ABCA12: variants seen among roughly 807,000 people sequenced by gnomAD.
The protein encoded by ABCA12 is ATP binding cassette subfamily A member 12, also known as glucosylceramide transporter ABCA12.
Under a neutral mutation model 293.5 loss-of-function variants are expected in ABCA12, and 156 were observed. The ratio of observed to expected loss-of-function variants is 0.53; its 90% CI spans 0.47 to 0.61. The LOEUF (loss-of-function observed/expected upper bound fraction) is 0.61. Ranked by LOEUF, ABCA12 falls within the 20% of genes least tolerant of loss-of-function variation. ABCA12 has a pLI of 0.00. For missense variants in ABCA12, 2,797 were observed against 3,090.2 expected (o/e 0.91, Z 2.25); for synonymous variants, 1,063 against 1,108.0 (o/e 0.96, Z 0.81).
intron 6 of ABCA12, among the ~76,000 whole-genome samples, chr2:215,046,465 T>A (rs1223598642): frequency 2.0e-5 from 3 of 147,638 alleles, no homozygotes; most frequent in Non-Finnish European, 3.0e-5. Context: ...GGATAGATTT[T>A]TATATATATA....
At chr2:214,975,685 A>T in intron 34 of ABCA12, 100 bp downstream of exon 34, 1 of 1,499,986 alleles carries the variant, frequency 6.7e-7, no homozygotes, top group African/African-American at 1.4e-5. Flanking sequence ...CATGGCTTCT[A>T]AGTACTTTAT....
chr2:214,965,071 C>A (rs1699220369), intron 39 of ABCA12, among the ~76,000 whole-genome samples: 1 of 152,004 alleles, frequency 6.6e-6, no homozygotes, highest in African/African-American at 2.4e-5. Context: ...GAAATAAGAC[C>A]ACATACCTAC....
intron 2 of ABCA12, 72 bp from the exon 3 acceptor site, chr2:215,064,291 C>A: frequency 6.7e-7 from 1 of 1,481,716 alleles, no homozygotes; most frequent in South Asian, 1.1e-5. Flanking sequence ...TGCAGTAACT[C>A]CACTTTGTGA....
intron 45 of ABCA12, among the ~76,000 whole-genome samples, chr2:214,950,469 CATTT>C (rs1387645169): frequency 6.9e-6 from 1 of 144,858 alleles, no homozygotes; most frequent in Non-Finnish European, 1.5e-5. Flanking sequence ...TTCAGATTAA[CATTT>C]ATATTTCTAG....
chr2:214,991,451 T>G (rs1194458911), intron 23 of ABCA12, among the ~76,000 whole-genome samples: 2 of 152,180 alleles, frequency 1.3e-5, no homozygotes, highest in East Asian at 3.9e-4. Context: ...ATTAGTTCAG[T>G]GTAGAGACTG....
At position 215,041,551 on chromosome 2, in the gene ABCA12, CAA is replaced by C. The variant is rs74770979; in HGVS notation, c.872+4284_872+4285del. On this transcript the variant is annotated intron_variant, in intron 7 of 52. Transcript: ENST00000272895. ...TGGGCGACAGAGCGAGACTCCATCT[CAA>C]AAAAAAAAAAAAAAAGGAATACAGT... Among the ~76,000 whole-genome samples, 546 of 86,452 alleles carry C rather than the reference CAA, an allele frequency of 6.3e-3. 7 individuals carry two copies. Among genetic ancestry groups the C allele is most frequent in the African/African-American group, 0.017 (497 of 29,144 alleles). The allele number at this position is 86,452 out of a possible 152,430, so 56.7% of individuals were successfully genotyped here.
At chr2:215,017,555 T>C (rs1455340530) in intron 14 of ABCA12, 1 of 163,302 alleles carries the variant, frequency 6.1e-6, no homozygotes, top group East Asian at 1.7e-4. Flanking sequence ...TTTCCCCCAA[T>C]TAGGTTACTG....
chr2:214,952,252 G>A (rs150229804), intron 44 of ABCA12, among the ~76,000 whole-genome samples: 3,293 of 143,292 alleles, frequency 0.023, 139 homozygotes, highest in African/African-American at 0.081. Context: ...ACGGAGTCTC[G>A]CTCTGTCACG....
At chr2:215,091,851 C>T (rs1702154228) in intron 2 of ABCA12, among the ~76,000 whole-genome samples, 1 of 152,250 alleles carries the variant, frequency 6.6e-6, no homozygotes, top group Admixed American at 6.5e-5. Flanking sequence ...CGTCCTCCCC[C>T]AGGATCTTGC....
At position 215,006,867 on chromosome 2, in the gene ABCA12, C is replaced by CTTTTTTTTTTTTTTTTTTTTTTTT. The variant is rs371764502; in HGVS notation, c.2592+836_2592+859dup. Among the ~76,000 whole-genome samples, 3 of 67,870 alleles carry CTTTTTTTTTTTTTTTTTTTTTTTT rather than the reference C, an allele frequency of 4.4e-5. 1 individual carries two copies. The highest frequency in any genetic ancestry group is 8.5e-5 in the Non-Finnish European group (3 of 35,278). 44.5% of individuals were successfully genotyped at this position (67,870 alleles called of 152,430 possible). ...TTGCATCATCTTCAGAAATTCCTGC[C>CTTTTTTTTTTTTTTTTTTTTTTTT]TTTTTTTTTTTTTTTTTTTTTTTTT... On this transcript the variant is annotated intron_variant, in intron 19 of 52. Transcript: ENST00000272895.
In ABCA12 at chr2:215,049,824, G is replaced by A. The variant is rs747963236; in HGVS notation, c.508-13C>T. 3.1e-6 allele frequency: 5 copies of A among 1,601,336 alleles called. No individual in the cohort carries two copies. Among genetic ancestry groups the A allele is most frequent in the Non-Finnish European group, 4.3e-6 (5 of 1,170,296 alleles). On this transcript the variant is annotated splice_polypyrimidine_tract_variant and intron_variant, in intron 5 of 52. Transcript: ENST00000272895. ...TTTGCTTTAACAGCTAAAAGCATGT[G>A]TGAAAAGAGTAAAATAAGAGTGTTA... is the stretch of plus-strand genomic sequence containing the variant.
At chr2:215,078,629 T>C (rs1309685587) in intron 2 of ABCA12, among the ~76,000 whole-genome samples, 1 of 152,222 alleles carries the variant, frequency 6.6e-6, no homozygotes, top group African/African-American at 2.4e-5. Flanking sequence ...CATTCATTCA[T>C]TCAATCCAAA....
At position 215,019,437 on chromosome 2, in the gene ABCA12, T is replaced by G. The variant is rs1574988129; in HGVS notation, c.1556A>C (p.Gln519Pro). Residue 519 changes from glutamine (Q) to proline (P), a missense_variant, in exon 13 of 53, where the codon CAG becomes CCG. Gln to Pro is a moderately conservative substitution (Grantham distance 76). Around this residue, in one of 3 missense-constraint regions of ABCA12, gnomAD observed 656 missense variants for 638.2 expected, o/e 1.03. Coordinates refer to ENST00000272895, the MANE Select transcript of ABCA12 (RefSeq NM_173076.3). Reference protein sequence around the residue: ...INLNMDQFLEQALQMNYLENI... With the variant: ...INLNMDQFLEPALQMNYLENI... ...TTCCAAGTAATTCATTTGCAGTGCC[T>G]GTTCTAGAAACCTGGAACAAAACAG... is the stretch of plus-strand genomic sequence containing the variant. The G allele has an allele frequency of 6.2e-7, 1 of 1,613,950 alleles. No homozygotes were observed. Among genetic ancestry groups the G allele is most frequent in the East Asian group, 2.2e-5 (1 of 44,882 alleles).
At chr2:215,078,738 T>C (rs1262063810) in intron 2 of ABCA12, among the ~76,000 whole-genome samples, 1 of 152,146 alleles carries the variant, frequency 6.6e-6, no homozygotes, top group Non-Finnish European at 1.5e-5. Flanking sequence ...TAATGAGAAA[T>C]AGGAAAAAAA....
chr2:214,934,361 G>T, intron 51 of ABCA12, 146 bp from the exon 52 acceptor site: 1 of 928,956 alleles, frequency 1.1e-6, no homozygotes, highest in Non-Finnish European at 1.7e-6. Flanking sequence ...AGTATATTTT[G>T]AAACTAACAG....
chr2:215,097,952 T>C (rs1303514976), intron 2 of ABCA12, among the ~76,000 whole-genome samples: 1 of 152,184 alleles, frequency 6.6e-6, no homozygotes, highest in African/African-American at 2.4e-5. Flanking sequence ...CAAAGTTCTA[T>C]AATTTTTTTT....
At chr2:215,111,553 T>C (rs1222229492) in intron 2 of ABCA12, 44 bp downstream of exon 2, 9 of 1,503,726 alleles carry the variant, frequency 6.0e-6, no homozygotes, top group African/African-American at 1.4e-5. Flanking sequence ...AAATTTTAAC[T>C]AGAATCCAAA....
chr2:214,974,467 G>T (rs1699463432), intron 35 of ABCA12, among the ~76,000 whole-genome samples: 2 of 152,128 alleles, frequency 1.3e-5, no homozygotes, highest in South Asian at 4.2e-4. Flanking sequence ...AGCTAGATAA[G>T]TATCTTGGTC....
At chr2:215,036,056 T>C (rs1700984805) in intron 8 of ABCA12, among the ~76,000 whole-genome samples, 2 of 152,128 alleles carry the variant, frequency 1.3e-5, no homozygotes, top group Non-Finnish European at 2.9e-5. Flanking sequence ...AGAGTAATCC[T>C]GTTTTTCTAA....
Sources: allele counts gnomAD v4.1 joint callset (sites outside exome capture counted in the v4.1 genomes callset), GRCh38; gene constraint gnomAD v4.1.1; regional missense constraint gnomAD v4.1.1; transcripts MANE v1.5; gene names NCBI Gene and HGNC (gene_info 2026-07-23, HGNC 2026-07-21).